Variants in DPP6 observed in about 807,000 individuals in gnomAD.
The protein encoded by DPP6 is dipeptidyl peptidase like 6, also known as A-type potassium channel modulatory protein DPP6.
A neutral mutation model predicts 122.6 loss-of-function variants in DPP6; 69 were observed. That is an observed-to-expected ratio of 0.56 (90% CI 0.46 to 0.69). The LOEUF (loss-of-function observed/expected upper bound fraction) is 0.69. Ranked by LOEUF, DPP6 falls within the 30% of genes least tolerant of loss-of-function variation. DPP6 has a pLI of 0.00. For missense variants in DPP6, 928 were observed against 1,116.9 expected (o/e 0.83, Z 2.41); for synonymous variants, 418 against 433.1 (o/e 0.97, Z 0.43).
rs568268786 is a variant in DPP6 at position 154,295,641 on chromosome 7, CCTTATTT to C, written c.244-150571_244-150565del. ...TTCCTCCTTCCTTCACTTCCTTTTT[CCTTATTT>C]CCCTCATAATCCACTCCCCTTCCCC... On this transcript the variant is annotated intron_variant, in intron 1 of 25. Transcript: ENST00000377770. 1.7e-3 allele frequency among the ~76,000 whole-genome samples: 258 copies of C among 152,144 alleles called. 2 individuals carry two copies. The highest frequency in any genetic ancestry group is 6.0e-3 in the African/African-American group (249 of 41,514).
intron 21 of DPP6, among the ~76,000 whole-genome samples, chr7:154,883,280 TCACA>T (rs148430516): frequency 7.0e-6 from 1 of 142,254 alleles, no homozygotes; most frequent in African/African-American, 2.7e-5. Context: ...ACACACATGC[TCACA>T]CATACACACA....
Position 154,822,564 on chromosome 7 carries a change from C to T in DPP6, c.1666+15452C>T, listed in dbSNP as rs906049981. 7.2e-5 allele frequency among the ~76,000 whole-genome samples: 11 copies of T among 152,114 alleles called. No individual in the cohort carries two copies. The East Asian group carries it at 7.7e-4, about 11-fold the overall frequency. On this transcript the variant is annotated intron_variant, in intron 16 of 25. Transcript: ENST00000377770. ...CATAGCCCAGACTATGTGTAGCTGA[C>T]GCTGTGCCAGATTGCGATATTCACT... is the stretch of plus-strand genomic sequence containing the variant.
intron 1 of DPP6, among the ~76,000 whole-genome samples, chr7:154,213,055 C>T (rs1049236016): frequency 1.3e-5 from 2 of 152,174 alleles, no homozygotes; most frequent in Non-Finnish European, 2.9e-5. Flanking sequence ...TGCTCAGAAT[C>T]CTCTGCTGCT....
At position 154,706,815 on chromosome 7, in the gene DPP6, A is replaced by G. The variant is rs1840854413; in HGVS notation, c.763-20952A>G. Reference sequence around the variant, plus strand: ...AATGTGGGTTCAGGAGGTGAGAAAGATCCCAAGAGATTTCTCTGGGTGGGT... The same window carrying G: ...AATGTGGGTTCAGGAGGTGAGAAAGGTCCCAAGAGATTTCTCTGGGTGGGT... On this transcript the variant is annotated intron_variant, in intron 7 of 25. Transcript: ENST00000377770. Among the ~76,000 whole-genome samples the G allele has an allele frequency of 2.0e-5, 3 of 152,210 alleles. 1 individual carries two copies. The South Asian group carries it at 6.2e-4, about 32-fold the overall frequency.
rs551148645 is a variant in DPP6 at position 154,860,235 on chromosome 7, T to C, written c.1714+6408T>C. 5.3e-5 allele frequency among the ~76,000 whole-genome samples: 8 copies of C among 152,210 alleles called. No individual in the cohort carries two copies. The East Asian group carries it at 1.4e-3, about 26-fold the overall frequency. On this transcript the variant is annotated intron_variant, in intron 17 of 25. Coordinates refer to ENST00000377770, the MANE Select transcript of DPP6 (RefSeq NM_130797.4). ...GCACCCCCTCCTAGACTGTCAAGGC[T>C]GTGCCCACAGCTCCCCTTCCATCAA... is the stretch of plus-strand genomic sequence containing the variant.
intron 3 of DPP6, among the ~76,000 whole-genome samples, chr7:154,476,260 A>G (rs534828451): frequency 4.6e-5 from 7 of 152,342 alleles, no homozygotes; most frequent in Admixed American, 4.6e-4. Context: ...GAGAAATTAG[A>G]GCAGCAGTAT....
At chr7:154,534,613 A>G (rs1828091109) in intron 3 of DPP6, among the ~76,000 whole-genome samples, 1 of 152,184 alleles carries the variant, frequency 6.6e-6, no homozygotes, top group Non-Finnish European at 1.5e-5. Context: ...CAGTAATACC[A>G]TTTACAATGA....
intron 5 of DPP6, among the ~76,000 whole-genome samples, chr7:154,593,650 G>A (rs1047982133): frequency 2.0e-5 from 3 of 152,200 alleles, no homozygotes; most frequent in Admixed American, 1.3e-4. Flanking sequence ...CTGCAGCCCC[G>A]GAGCCCCAGT....
At chr7:154,545,903 CA>C in intron 4 of DPP6, among the ~76,000 whole-genome samples, 1 of 152,242 alleles carries the variant, frequency 6.6e-6, no homozygotes, top group African/African-American at 2.4e-5. Context: ...CTATCAGTGA[CA>C]AGAAGCATTA....
intron 1 of DPP6, among the ~76,000 whole-genome samples, chr7:154,426,187 T>C (rs145634818): frequency 1.2e-3 from 186 of 152,322 alleles, no homozygotes; most frequent in African/African-American, 4.1e-3. Context: ...CCCAGCATAC[T>C]GTTTGCCAGT....
intron 7 of DPP6, among the ~76,000 whole-genome samples, chr7:154,694,808 T>TA (rs1398465165): frequency 6.6e-6 from 1 of 152,152 alleles, no homozygotes; most frequent in Non-Finnish European, 1.5e-5. Flanking sequence ...TTCATGCTGA[T>TA]ACCAGGACAG....
the DPP6 span, among the ~76,000 whole-genome samples, chr7:153,867,905 T>A: frequency 2.0e-5 from 3 of 152,240 alleles, no homozygotes; most frequent in African/African-American, 7.2e-5. Context: ...TCTATTGAGA[T>A]AATCATGTGG....
intron 1 of DPP6, among the ~76,000 whole-genome samples, chr7:154,170,616 AG>A (rs1009072007): frequency 1.3e-5 from 2 of 152,230 alleles, no homozygotes; most frequent in East Asian, 1.9e-4. Context: ...GGGTTTTGAT[AG>A]AACCTGGCTG....
intron 1 of DPP6, among the ~76,000 whole-genome samples, chr7:154,296,912 A>G (rs1805574400): frequency 6.6e-6 from 1 of 152,202 alleles, no homozygotes; most frequent in African/African-American, 2.4e-5. Context: ...ACATTTAACC[A>G]TGGATGGATC....
In DPP6 at chr7:154,305,439, C is replaced by A. The variant is rs1806244492; in HGVS notation, c.244-140775C>A. The A allele has an allele frequency of 3.5e-6, 5 of 1,435,120 alleles. No homozygotes were observed. The South Asian group carries it at 6.3e-5, about 18-fold the overall frequency. The allele number at this position is 1,435,120 out of a possible 1,614,324, so 88.9% of individuals were successfully genotyped here. ...CCTTACCGCTTGGACTCTGGTGGCT[C>A]CCAACTCGCCGTCAGACCCCACCTG... On this transcript the variant is annotated intron_variant, in intron 1 of 25. Coordinates refer to ENST00000377770, the MANE Select transcript of DPP6 (RefSeq NM_130797.4).
chr7:154,705,665 G>T (rs3807248), intron 7 of DPP6, among the ~76,000 whole-genome samples: 4 of 152,092 alleles, frequency 2.6e-5, no homozygotes, highest in East Asian at 1.9e-4. Flanking sequence ...CCCATTGTGG[G>T]GGCCAGGGCT....
intron 1 of DPP6, among the ~76,000 whole-genome samples, chr7:154,395,320 C>T (rs1306527427): frequency 6.6e-6 from 1 of 152,166 alleles, no homozygotes; most frequent in Admixed American, 6.5e-5. Context: ...TGGGGGGAAA[C>T]AAACTTTCAT....
At chr7:154,542,475 A>G (rs1208677298) in intron 4 of DPP6, among the ~76,000 whole-genome samples, 2 of 152,224 alleles carry the variant, frequency 1.3e-5, no homozygotes, top group Non-Finnish European at 2.9e-5. Context: ...AGCACTTAGC[A>G]ATGAAATACA....
intron 7 of DPP6, among the ~76,000 whole-genome samples, chr7:154,680,788 A>C (rs1414137536): frequency 3.9e-5 from 6 of 152,234 alleles, no homozygotes; most frequent in African/African-American, 9.6e-5. Flanking sequence ...GTTGAGGGTA[A>C]AGAAGAGGCG....
Sources: allele counts gnomAD v4.1 joint callset (sites outside exome capture counted in the v4.1 genomes callset), GRCh38; gene constraint gnomAD v4.1.1; transcripts MANE v1.5; gene names NCBI Gene and HGNC (gene_info 2026-07-23, HGNC 2026-07-21).